PLCH1: variants seen among roughly 807,000 people sequenced by gnomAD.
The protein encoded by PLCH1 is 1-phosphatidylinositol 4,5-bisphosphate phosphodiesterase eta-1.
Under a neutral mutation model 126.7 loss-of-function variants are expected in PLCH1, and 60 were observed. The ratio of observed to expected loss-of-function variants is 0.47; its 90% CI spans 0.38 to 0.59. The LOEUF (loss-of-function observed/expected upper bound fraction) is 0.59. Among genes scored for constraint, PLCH1 ranks in the 20% least tolerant of loss-of-function variants. The pLI is 0.00. For synonymous variants in PLCH1, 719 were observed against 734.9 expected (o/e 0.98, Z 0.35); for missense variants, 1,723 against 2,040.0 (o/e 0.84, Z 2.99).
chr3:155,516,006 A>T (rs1014337663), intron 11 of PLCH1, among the ~76,000 whole-genome samples: 10 of 152,224 alleles, frequency 6.6e-5, no homozygotes, highest in African/African-American at 1.7e-4. Flanking sequence ...CTAAGGAAAA[A>T]TTTCAAAAAT....
At chr3:155,713,693 T>G (rs1198638472) in intron 1 of PLCH1, among the ~76,000 whole-genome samples, 1 of 152,210 alleles carries the variant, frequency 6.6e-6, no homozygotes, top group Non-Finnish European at 1.5e-5. Flanking sequence ...AACCCAGAGC[T>G]GCAGCCCAAT....
chr3:155,489,340 G>A lies in PLCH1; in HGVS notation c.2393-534C>T, dbSNP rs79279864. 6.1e-3 allele frequency among the ~76,000 whole-genome samples: 931 copies of A among 152,178 alleles called. 11 individuals are homozygous for A. Among genetic ancestry groups the A allele is most frequent in the African/African-American group, 0.021 (864 of 41,520 alleles). On this transcript the variant is annotated intron_variant, in intron 19 of 22. Transcript: ENST00000460012. ...TTAGAGGATGTTTAGAGTTTTTAGAGTAGAGCAGGGTTTTGGTTTTTGTTT... is the reference window on the plus strand; with the variant it reads ...TTAGAGGATGTTTAGAGTTTTTAGAATAGAGCAGGGTTTTGGTTTTTGTTT...
intron 12 of PLCH1, among the ~76,000 whole-genome samples, chr3:155,511,604 A>G (rs1459438854): frequency 7.2e-6 from 1 of 138,490 alleles, no homozygotes; most frequent in African/African-American, 3.0e-5. Context: ...GTCTGTTGGA[A>G]TACCCTGTGT....
At chr3:155,492,379 G>T (rs1369528125) in intron 18 of PLCH1, among the ~76,000 whole-genome samples, 2 of 152,206 alleles carry the variant, frequency 1.3e-5, no homozygotes, top group Non-Finnish European at 2.9e-5. Flanking sequence ...AGGAGGACAG[G>T]AATGTGAGGT....
chr3:155,581,271 A>G (rs189224140), intron 6 of PLCH1, among the ~76,000 whole-genome samples: 1 of 152,322 alleles, frequency 6.6e-6, no homozygotes, highest in East Asian at 1.9e-4. Context: ...GGATCAAATT[A>G]GGTGACCCAA....
rs374607347 is a variant in PLCH1 at position 155,596,279 on chromosome 3, C to T, written c.179G>A (p.Arg60Gln). Reference sequence around the variant, plus strand: ...AGAGGGTCGCCATCGGAGGCGTGTCCGGTGCTCATCCAGGTAAAAGAGGCG... The same window carrying T: ...AGAGGGTCGCCATCGGAGGCGTGTCTGGTGCTCATCCAGGTAAAAGAGGCG... Reference protein sequence around the residue: ...LVRLFYLDEHRTRLRWRPSRK... With the variant: ...LVRLFYLDEHQTRLRWRPSRK... The change falls in exon 3 of 23, where the codon CGG becomes CAG. Residue 60 changes from arginine to glutamine, a missense_variant. Arg to Gln is a conservative substitution (Grantham distance 43). Coordinates refer to ENST00000460012, the MANE Select transcript of PLCH1 (RefSeq NM_014996.4). The T allele has an allele frequency of 2.5e-5, 40 of 1,613,354 alleles. No homozygotes were observed. Among genetic ancestry groups the T allele is most frequent in the East Asian group, 1.6e-4 (7 of 44,880 alleles).
chr3:155,562,222 C>T (rs561880826), intron 8 of PLCH1, among the ~76,000 whole-genome samples: 4 of 152,328 alleles, frequency 2.6e-5, no homozygotes, highest in South Asian at 4.1e-4. Flanking sequence ...TAATCCCTTG[C>T]TTCACTCTGT....
chr3:155,686,157 G>A (rs975865778), intron 2 of PLCH1, among the ~76,000 whole-genome samples: 4 of 152,294 alleles, frequency 2.6e-5, no homozygotes, highest in African/African-American at 2.4e-5. Context: ...TAGAAAGAGA[G>A]TGTACAAGTA....
chr3:155,482,075 C>A lies in PLCH1; in HGVS notation c.3951G>T (p.Trp1317Cys), dbSNP rs907323785. ...CAGGGCTGCAGCTCTTCAGTGTTTCCCAGTCTTCTCCCTTGGTAGGACTTT... is the reference window on the plus strand; with the variant it reads ...CAGGGCTGCAGCTCTTCAGTGTTTCACAGTCTTCTCCCTTGGTAGGACTTT... ...LPKSPTKGED[W>C]ETLKSCSPAS... The change falls in exon 23 of 23, where the codon TGG becomes TGT. Residue 1317 changes from tryptophan to cysteine, a missense_variant. Transcript: ENST00000460012. 6.2e-7 allele frequency: 1 copy of A among 1,614,052 alleles called. No homozygotes were observed. The highest frequency in any genetic ancestry group is 1.3e-5 in the African/African-American group (1 of 74,920).
At chr3:155,582,824 T>G (rs1010262145) in intron 6 of PLCH1, among the ~76,000 whole-genome samples, 3 of 152,130 alleles carry the variant, frequency 2.0e-5, no homozygotes, top group Non-Finnish European at 4.4e-5. Context: ...TGAGGAGATA[T>G]TTAAAAAGCA....
At chr3:155,583,284 A>G (rs1730946314) in intron 6 of PLCH1, among the ~76,000 whole-genome samples, 188 bp downstream of exon 6, 2 of 152,118 alleles carry the variant, frequency 1.3e-5, no homozygotes. Context: ...CCAGTGTTCA[A>G]GTTATCACTT....
intron 1 of PLCH1, among the ~76,000 whole-genome samples, chr3:155,733,276 T>C (rs1299141844): frequency 6.6e-6 from 1 of 151,888 alleles, no homozygotes; most frequent in African/African-American, 2.4e-5. Context: ...CTTGAACAAA[T>C]AGAACAAAGC....
intron 21 of PLCH1, chr3:155,456,712 A>T (rs1712452144): frequency 6.6e-6 from 1 of 152,306 alleles, no homozygotes; most frequent in South Asian, 2.1e-4. Flanking sequence ...ATCCGCCAAG[A>T]TATTCAAGAG....
intron 2 of PLCH1, among the ~76,000 whole-genome samples, chr3:155,614,185 AC>A: frequency 6.6e-6 from 1 of 152,320 alleles, no homozygotes; most frequent in Non-Finnish European, 1.5e-5. Context: ...ATGCTCATGG[AC>A]AGGTAGAATC....
intron 21 of PLCH1, among the ~76,000 whole-genome samples, chr3:155,452,881 C>T (rs1423236765): frequency 6.6e-6 from 1 of 152,116 alleles, no homozygotes; most frequent in Non-Finnish European, 1.5e-5. Flanking sequence ...AAATTAAATG[C>T]AGAGTATCCC....
At chr3:155,517,470 G>A (rs1197440912) in intron 11 of PLCH1, among the ~76,000 whole-genome samples, 1 of 152,130 alleles carries the variant, frequency 6.6e-6, no homozygotes, top group Non-Finnish European at 1.5e-5. Flanking sequence ...AAAGCTCTAG[G>A]GGAGGATCCT....
rs753532293 is a variant in PLCH1 at position 155,494,353 on chromosome 3, C to A, written c.2059G>T (p.Ala687Ser). The A allele has an allele frequency of 6.8e-6, 11 of 1,613,940 alleles. No individual in the cohort carries two copies. The highest frequency in any genetic ancestry group is 4.5e-5 in the East Asian group (2 of 44,900). ...GAATACACACCTAGCTGGCAGCCTG[C>A]GTTCCAGTAGGGGAGAGGGTTGAAG... ...SNFNPLPYWNAGCQLVALNYQ... is the reference protein window; with the variant it reads ...SNFNPLPYWNSGCQLVALNYQ... Residue 687 changes from alanine to serine, a missense_variant, in exon 16 of 23, where the codon GCA (alanine) becomes TCA (serine). Physicochemically the swap from Ala to Ser is moderately conservative, Grantham distance 99 (BLOSUM62 1). Transcript: ENST00000460012.
chr3:155,613,355 A>T (rs931621288), intron 2 of PLCH1, among the ~76,000 whole-genome samples: 2 of 152,106 alleles, frequency 1.3e-5, no homozygotes, highest in African/African-American at 4.8e-5. Context: ...CCAACAACAA[A>T]AAAAAACAGA....
At chr3:155,589,998 G>A (rs763804890) in intron 4 of PLCH1, among the ~76,000 whole-genome samples, 3 of 152,266 alleles carry the variant, frequency 2.0e-5, no homozygotes, top group South Asian at 2.1e-4. Flanking sequence ...GGGCTGGACC[G>A]CAGGCAGTGC....
Sources: gnomAD v4.1 joint callset for allele counts (sites outside exome capture counted in the v4.1 genomes callset) on GRCh38, gnomAD v4.1.1 for gene constraint, MANE v1.5 for transcripts, NCBI Gene and HGNC (gene_info 2026-07-23, HGNC 2026-07-21) for gene names.